ZNF800: variants seen among roughly 807,000 people sequenced by gnomAD.
ZNF800 encodes the protein zinc finger protein 800.
ZNF800 carries 13 observed loss-of-function variants against 59.5 expected under a neutral mutation model. That is an observed-to-expected ratio of 0.22 (90% CI 0.14 to 0.35). The LOEUF (loss-of-function observed/expected upper bound fraction) is 0.35, where lower values mean the gene tolerates loss of function less well. Ranked by LOEUF, ZNF800 falls within the 10% of genes least tolerant of loss-of-function variation. ZNF800 has a pLI of 1.00. For missense variants in ZNF800, 621 were observed against 783.7 expected (o/e 0.79, Z 2.48); for synonymous variants, 266 against 265.7 (o/e 1.00, Z -0.01).
At chr7:127,363,607 C>A (rs1167673571) in intron 1 of ZNF800, 2 of 150,976 alleles carry the variant, frequency 1.3e-5, no homozygotes, top group African/African-American at 4.9e-5. Flanking sequence ...ACCACAGAGA[C>A]ACAGAAGGGA....
intron 1 of ZNF800, among the ~76,000 whole-genome samples, chr7:127,351,244 G>A (rs1440328681): frequency 6.6e-6 from 1 of 152,070 alleles, no homozygotes; most frequent in Non-Finnish European, 1.5e-5. Context: ...TTCACCCATC[G>A]AAAAATGTTT....
chr7:127,361,326 C>G (rs1800388253), intron 1 of ZNF800: 1 of 152,002 alleles, frequency 6.6e-6, no homozygotes, highest in South Asian at 2.1e-4. Context: ...GCCTGTAATC[C>G]CATCGCTTTG....
rs1471110541 is a variant in ZNF800 at position 127,392,530 on chromosome 7, A to G, written c.-529T>C. 9.8e-6 allele frequency: 3 copies of G among 305,394 alleles called. No individual in the cohort carries two copies. Among genetic ancestry groups the G allele is most frequent in the East Asian group, 1.1e-4 (2 of 19,000 alleles). The allele number at this position is 305,394 out of a possible 1,614,324, so 18.9% of individuals were successfully genotyped here. ...GGCTTTAGGAGAGGGGCGGAGAAAA[A>G]TGGGGGTCTCCCCCAACCTTGGGCC... On this transcript the variant is annotated 5_prime_UTR_variant, in exon 1 of 6. Coordinates refer to ENST00000265827, the MANE Select transcript of ZNF800 (RefSeq NM_176814.5).
chr7:127,352,893 C>T (rs1356106264), intron 1 of ZNF800, among the ~76,000 whole-genome samples: 6 of 90,332 alleles, frequency 6.6e-5, no homozygotes, highest in Admixed American at 3.5e-4. Flanking sequence ...CAAAATCCCA[C>T]GATTACACAC....
chr7:127,358,112 G>A (rs17864200), intron 1 of ZNF800, among the ~76,000 whole-genome samples: 15,965 of 151,674 alleles, frequency 0.11, 1,075 homozygotes, highest in Middle Eastern at 0.27. Flanking sequence ...CTCCTATTAA[G>A]CATCTCCAAT....
rs1389295894 is a variant in ZNF800, at chr7:127,373,691, G to T, written c.1645C>A (p.Leu549Ile). 1.2e-6 allele frequency: 2 copies of T among 1,613,982 alleles called. No individual in the cohort carries two copies. The highest frequency in any genetic ancestry group is 2.7e-5 in the African/African-American group (2 of 74,896). Reference sequence around the variant, plus strand: ...TCTAAACTGGCTGTTATTTTCCCAAGATAACGAGATGACTTTTTATGAACC... The same window carrying T: ...TCTAAACTGGCTGTTATTTTCCCAATATAACGAGATGACTTTTTATGAACC... ...TVVHKKSSRY[L>I]GKITASLEIR... The change falls in exon 5 of 6, where the codon CTT becomes ATT. Residue 549 changes from leucine (L) to isoleucine (I), a missense_variant. By Grantham distance (5) the Leu-to-Ile change is conservative. Transcript: ENST00000265827.
Position 127,377,111 on chromosome 7 carries a change from T to TA in ZNF800, c.301+74dup. 2.3e-6 allele frequency: 3 copies of TA among 1,320,224 alleles called. No individual in the cohort carries two copies. The highest frequency in any genetic ancestry group is 3.1e-6 in the Non-Finnish European group (3 of 974,432). 81.8% of individuals were successfully genotyped at this position (1,320,224 alleles called of 1,614,324 possible). A position where few individuals can be genotyped will look rare whatever the true frequency, so the allele number is the denominator to read the frequency against. On this transcript the variant is annotated intron_variant, in intron 4 of 5. Transcript: ENST00000265827. The surrounding 1 kb of genome is among the most constrained non-coding windows in gnomAD (Gnocchi z 4.7). ...AATTATCAGTAACTAGATACAATTTTAATGCAAATGTATACTTGCAGTATA... is the reference window on the plus strand; with the variant it reads ...AATTATCAGTAACTAGATACAATTTTAAATGCAAATGTATACTTGCAGTATA...
Position 127,374,763 on chromosome 7 carries a change from T to C in ZNF800, c.573A>G (p.Val191=). ...TAACAATCTCAACAGGAGGGGGCTC[T>C]ACAGTTTCCACCTCTGTATCTGTAA... ...VPVTDTEVET[V]EPPPVEIVTD... is the part of the protein sequence containing the mutation. Residue 191 remains valine, a synonymous_variant, in exon 5 of 6, where the codon GTA becomes GTG. Transcript: ENST00000265827. The C allele has an allele frequency of 1.9e-6, 3 of 1,613,936 alleles. No homozygotes were observed. The highest frequency in any genetic ancestry group is 8.5e-7 in the Non-Finnish European group (1 of 1,179,924).
rs1801367696 is a variant in ZNF800 at position 127,392,440 on chromosome 7, CG to C, written c.-440del. 3 of 373,282 alleles carry C rather than the reference CG, an allele frequency of 8.0e-6. No homozygotes were observed. In the East Asian group the frequency reaches 1.2e-4, roughly 14 times the overall value. The allele number at this position is 373,282 out of a possible 1,614,324, so 23.1% of individuals were successfully genotyped here. Reference sequence around the variant, plus strand: ...GGGCAGGACCTGAGGCTTCCCTCGCCGGGGCAACGGCTGCCGCCGCAACCCG... The same window carrying C: ...GGGCAGGACCTGAGGCTTCCCTCGCCGGGCAACGGCTGCCGCCGCAACCCG... On this transcript the variant is annotated 5_prime_UTR_variant, in exon 1 of 6. Coordinates refer to ENST00000265827, the MANE Select transcript of ZNF800 (RefSeq NM_176814.5).
At chr7:127,348,420 G>C (rs17868961) in intron 1 of ZNF800, among the ~76,000 whole-genome samples, 1 of 80,482 alleles carries the variant, frequency 1.2e-5, no homozygotes, top group Non-Finnish European at 2.4e-5. Context: ...AAAAATGCCA[G>C]AAAAAAATGG....
chr7:127,351,453 T>C (rs1800167136), intron 1 of ZNF800: 1 of 152,204 alleles, frequency 6.6e-6, no homozygotes, highest in African/African-American at 2.4e-5. Flanking sequence ...TATTATGTAT[T>C]TTTACAAGCA....
At chr7:127,356,249 T>TTGTGTC (rs1800267560) in intron 1 of ZNF800, among the ~76,000 whole-genome samples, 1 of 147,974 alleles carries the variant, frequency 6.8e-6, no homozygotes, top group South Asian at 2.2e-4. Flanking sequence ...GGATAAAAAG[T>TTGTGTC]TGTGTCTGTG....
intron 1 of ZNF800, among the ~76,000 whole-genome samples, chr7:127,353,527 A>G (rs1438862568): frequency 6.6e-6 from 1 of 152,146 alleles, no homozygotes; most frequent in East Asian, 1.9e-4. Context: ...TTTTAGTCTG[A>G]TTAACTTTTT....
Position 127,372,070 on chromosome 7 carries a change from G to T in ZNF800, c.*-256C>A, listed in dbSNP as rs1375180781. 2.6e-5 allele frequency among the ~76,000 whole-genome samples: 4 copies of T among 152,246 alleles called. No individual in the cohort carries two copies. In the South Asian group the frequency reaches 8.3e-4, roughly 32 times the overall value. On this transcript the variant is annotated intron_variant, in intron 5 of 5. Coordinates refer to ENST00000265827, the MANE Select transcript of ZNF800 (RefSeq NM_176814.5). ...AAATGCCTTAATACAGGGGACACAG[G>T]TATAGAAGGTGAACTTTTAAAATAT...
intron 3 of ZNF800, among the ~76,000 whole-genome samples, chr7:127,384,390 C>T (rs1003893394): frequency 4.6e-5 from 7 of 151,436 alleles, no homozygotes; most frequent in African/African-American, 9.7e-5. Context: ...CCCGCCGCCG[C>T]CCCCCAGCTA....
chr7:127,371,966 T>G, intron 5 of ZNF800, 152 bp from the exon 6 acceptor site: 2 of 582,730 alleles, frequency 3.4e-6, no homozygotes, highest in Non-Finnish European at 6.2e-6. Context: ...ACCACAACAT[T>G]TAACCCTCAC....
chr7:127,372,501 A>G, intron 5 of ZNF800: 1 of 481,020 alleles, frequency 2.1e-6, no homozygotes, highest in Non-Finnish European at 2.7e-6. Context: ...AAAAAAAAGT[A>G]GTATTTTTCT....
intron 1 of ZNF800, among the ~76,000 whole-genome samples, chr7:127,354,251 T>C (rs1800226068): frequency 1.3e-5 from 2 of 152,130 alleles, no homozygotes; most frequent in Non-Finnish European, 2.9e-5. Flanking sequence ...TTCAACATTA[T>C]TTATCATAAA....
At chr7:127,366,205 T>A (rs920288017), downstream of ZNF800, among the ~76,000 whole-genome samples, 1 of 152,134 alleles carries the variant, frequency 6.6e-6, no homozygotes, top group Non-Finnish European at 1.5e-5. Flanking sequence ...AAGAATGGAA[T>A]GATGCTAGGC....
Sources: gnomAD v4.1 joint callset for allele counts (sites outside exome capture counted in the v4.1 genomes callset) on GRCh38, gnomAD v4.1.1 for gene constraint, Gnocchi (gnomAD v3.1) non-coding constraint, MANE v1.5 for transcripts, NCBI Gene and HGNC (gene_info 2026-07-23, HGNC 2026-07-21) for gene names.